Variants in CDH12 observed in about 807,000 individuals in gnomAD.
CDH12 encodes cadherin 12.
CDH12 carries 41 observed loss-of-function variants against 74.1 expected under a neutral mutation model. That is an observed-to-expected ratio of 0.55 (90% CI 0.43 to 0.72). The LOEUF is 0.72. CDH12 is among the 30% of genes least tolerant of loss of function. The probability of loss-of-function intolerance (pLI) is 0.00; values close to 1 mark genes in which losing one functional copy is unlikely to be tolerated. For missense variants in CDH12, 945 were observed against 977.2 expected (o/e 0.97, Z 0.44); for synonymous variants, 399 against 355.0 (o/e 1.12, Z -1.39).
At chr5:21,970,454 T>C (rs1305771226) in intron 6 of CDH12, among the ~76,000 whole-genome samples, 2 of 152,170 alleles carry the variant, frequency 1.3e-5, no homozygotes, top group East Asian at 3.9e-4. Context: ...GACTTATATA[T>C]GTTTCTAAGT....
chr5:22,123,480 A>C (rs1401160890), intron 4 of CDH12, among the ~76,000 whole-genome samples: 1 of 152,208 alleles, frequency 6.6e-6, no homozygotes, highest in Non-Finnish European at 1.5e-5. Flanking sequence ...TCAAGATGAC[A>C]AATCCAAAGT....
chr5:22,719,810 C>T (rs1026407535), intron 1 of CDH12, among the ~76,000 whole-genome samples: 15 of 152,052 alleles, frequency 9.9e-5, no homozygotes, highest in Non-Finnish European at 1.0e-4. Flanking sequence ...TTGATTCTTC[C>T]CTTTGCTATA....
intron 6 of CDH12, among the ~76,000 whole-genome samples, chr5:21,959,498 C>T (rs1160349041): frequency 6.6e-6 from 1 of 152,064 alleles, no homozygotes. Context: ...TGATGACACC[C>T]ATAGGCTCAA....
At chr5:22,368,946 T>C (rs897556057) in intron 3 of CDH12, among the ~76,000 whole-genome samples, 16 of 152,002 alleles carry the variant, frequency 1.1e-4, no homozygotes, top group Non-Finnish European at 1.6e-4. Flanking sequence ...CTGGCCAACA[T>C]GGTGAAACCC....
chr5:22,705,704 G>T (rs1025035422), intron 1 of CDH12, among the ~76,000 whole-genome samples: 1 of 151,978 alleles, frequency 6.6e-6, no homozygotes, highest in Middle Eastern at 3.2e-3. Flanking sequence ...CAAGGGAGAA[G>T]ATAATTACAT....
At chr5:21,780,083 G>A (rs1745820886) in intron 11 of CDH12, among the ~76,000 whole-genome samples, 1 of 152,092 alleles carries the variant, frequency 6.6e-6, no homozygotes. Flanking sequence ...CTCTTAGATT[G>A]TGCATATATT....
chr5:22,085,289 T>G (rs895160088), intron 4 of CDH12, among the ~76,000 whole-genome samples: 7 of 152,118 alleles, frequency 4.6e-5, no homozygotes, highest in Non-Finnish European at 7.4e-5. Context: ...ATACAAAGGC[T>G]GTGGTTTCCC....
chr5:22,123,363 T>A (rs1745637647), intron 4 of CDH12, among the ~76,000 whole-genome samples: 1 of 152,220 alleles, frequency 6.6e-6, no homozygotes, highest in South Asian at 2.1e-4. Context: ...GTAAACCACC[T>A]AGTCTATGGT....
chr5:21,849,948 C>T (rs1750374169), intron 7 of CDH12, among the ~76,000 whole-genome samples: 2 of 151,614 alleles, frequency 1.3e-5, no homozygotes, highest in South Asian at 2.1e-4. Context: ...GTGGTATACA[C>T]ATATAATGGA....
intron 1 of CDH12, among the ~76,000 whole-genome samples, chr5:22,739,911 G>A (rs1744935459): frequency 6.6e-6 from 1 of 151,890 alleles, no homozygotes; most frequent in African/African-American, 2.4e-5. Flanking sequence ...ATATAAAATG[G>A]GGTACATTAT....
intron 1 of CDH12, among the ~76,000 whole-genome samples, chr5:22,737,492 C>G (rs764580340): frequency 1.3e-5 from 2 of 151,472 alleles, no homozygotes; most frequent in Non-Finnish European, 2.9e-5. Context: ...CAAACGAGCA[C>G]GTATTTGCGT....
chr5:22,841,241 GGATGTAGA>G (rs1737067900), intron 1 of CDH12, among the ~76,000 whole-genome samples: 1 of 152,138 alleles, frequency 6.6e-6, no homozygotes, highest in Admixed American at 6.6e-5. Context: ...CACATACTGT[GGATGTAGA>G]GACAACAGGA....
intron 1 of CDH12, among the ~76,000 whole-genome samples, chr5:22,725,046 G>A (rs1744092027): frequency 6.6e-6 from 1 of 151,654 alleles, no homozygotes; most frequent in African/African-American, 2.4e-5. Context: ...GATTCTTATA[G>A]ACTTTATGCA....
chr5:22,158,315 G>C (rs1485262367), intron 4 of CDH12, among the ~76,000 whole-genome samples: 1 of 151,952 alleles, frequency 6.6e-6, no homozygotes, highest in Non-Finnish European at 1.5e-5. Flanking sequence ...GGCTGTATCT[G>C]TGTTTTTACA....
chr5:21,792,133 A>G (rs1445079020), intron 10 of CDH12, among the ~76,000 whole-genome samples: 1 of 151,926 alleles, frequency 6.6e-6, no homozygotes, highest in East Asian at 1.9e-4. Flanking sequence ...GAAGACAATT[A>G]AAGAAAGTAA....
chr5:22,330,127 G>A (rs185266760), intron 3 of CDH12, among the ~76,000 whole-genome samples: 36 of 152,230 alleles, frequency 2.4e-4, no homozygotes, highest in African/African-American at 6.0e-4. Flanking sequence ...AGAATGAAGG[G>A]TAAAGAGGAC....
At chr5:22,256,974 T>A (rs1420377971) in intron 3 of CDH12, among the ~76,000 whole-genome samples, 1 of 152,088 alleles carries the variant, frequency 6.6e-6, no homozygotes, top group Non-Finnish European at 1.5e-5. Flanking sequence ...ATATACATCA[T>A]GAAATACTAC....
chr5:22,634,812 T>C (rs1738755089), intron 1 of CDH12, among the ~76,000 whole-genome samples: 1 of 152,170 alleles, frequency 6.6e-6, no homozygotes, highest in Non-Finnish European at 1.5e-5. Context: ...GAAATATTCA[T>C]TCACTGTGAA....
At chr5:22,105,374 T>G (rs1250694449) in intron 4 of CDH12, among the ~76,000 whole-genome samples, 1 of 148,266 alleles carries the variant, frequency 6.7e-6, no homozygotes, top group African/African-American at 2.5e-5. Flanking sequence ...ATTACAGGCA[T>G]GAGCCACCAA....
Sources: allele counts gnomAD v4.1 joint callset (sites outside exome capture counted in the v4.1 genomes callset), GRCh38; gene constraint gnomAD v4.1.1; transcripts MANE v1.5; gene names NCBI Gene and HGNC (gene_info 2026-07-23, HGNC 2026-07-21).